The following EGF variants were observed in gnomAD, a reference collection of about 807,000 sequenced individuals.
EGF encodes pro-epidermal growth factor.
A neutral mutation model predicts 143.8 loss-of-function variants in EGF; 95 were observed. That is an observed-to-expected ratio of 0.66 (90% CI 0.56 to 0.78). The LOEUF is 0.78. Ranked by LOEUF, EGF falls within the 30% of genes least tolerant of loss-of-function variation. EGF has a pLI of 0.00. For missense variants in EGF, 1,320 were observed against 1,470.9 expected, an observed-to-expected ratio of 0.90 and a Z score of 1.68; for synonymous variants, 510 against 510.5, an observed-to-expected ratio of 1.00 and a Z score of 0.01.
chr4:110,004,422 A>C, intron 21 of EGF, 83 bp from the exon 22 acceptor site: 1 of 1,112,958 alleles, frequency 9.0e-7, no homozygotes, highest in Non-Finnish European at 1.4e-6. Flanking sequence ...TAGCAAAAGC[A>C]GTTAGTTGTC....
At chr4:110,010,026 G>A (rs1753803413) in intron 23 of EGF, among the ~76,000 whole-genome samples, 1 of 152,176 alleles carries the variant, frequency 6.6e-6, no homozygotes, top group African/African-American at 2.4e-5. Context: ...TTTGAGGTCA[G>A]GAGTTTGAGA....
At position 109,945,359 on chromosome 4, in the gene EGF, G is replaced by A. The variant is rs552035102; in HGVS notation, c.940+84G>A. 13 of 1,402,342 alleles carry A rather than the reference G, an allele frequency of 9.3e-6. No homozygotes were observed. In the South Asian group the frequency reaches 1.1e-4, roughly 12 times the overall value. The allele number at this position is 1,402,342 out of a possible 1,614,324, so 86.9% of individuals were successfully genotyped here. On this transcript the variant is annotated intron_variant, in intron 5 of 23. Coordinates refer to ENST00000265171, the MANE Select transcript of EGF (RefSeq NM_001963.6). ...TTGAGCCAGACAATGAGGCGTTGTA[G>A]GGGAAAAAAAATTTTTTTCTTCAAC...
intron 12 of EGF, 96 bp from the exon 13 acceptor site, chr4:109,975,916 A>G: frequency 7.6e-7 from 1 of 1,320,142 alleles, no homozygotes; most frequent in South Asian, 1.2e-5. Flanking sequence ...ACTTTAGTAT[A>G]TCATGAGGTA....
chr4:109,925,205 A>G (rs1319532449), intron 1 of EGF, among the ~76,000 whole-genome samples: 1 of 152,238 alleles, frequency 6.6e-6, no homozygotes, highest in East Asian at 1.9e-4. Context: ...CTAAAATAAT[A>G]CATGAAAAAC....
chr4:109,987,792 T>C lies in EGF; in HGVS notation c.2540T>C (p.Ile847Thr). 1 of 1,613,984 alleles carries C rather than the reference T, an allele frequency of 6.2e-7. No individual in the cohort carries two copies. The highest frequency in any genetic ancestry group is 1.3e-5 in the African/African-American group (1 of 75,026). ...GGATGCAGCATGTATGCTCGGTGTA[T>C]TTCAGAGGGAGAGGATGCCACATGT... ...PVGCSMYARC[I>T]SEGEDATCQC... The change falls in exon 17 of 24, where the codon ATT (isoleucine) becomes ACT (threonine). Residue 847 changes from isoleucine to threonine, a missense_variant. By Grantham distance (89) the Ile-to-Thr change is moderately conservative (BLOSUM62 -1). Coordinates refer to ENST00000265171, the MANE Select transcript of EGF (RefSeq NM_001963.6).
chr4:109,966,392 G>A (rs1462703451), intron 10 of EGF, among the ~76,000 whole-genome samples: 3 of 151,902 alleles, frequency 2.0e-5, no homozygotes, highest in African/African-American at 7.3e-5. Flanking sequence ...TCTTTTTTAT[G>A]AGCAGTATTC....
chr4:109,956,304 T>C (rs1319558653), intron 5 of EGF, among the ~76,000 whole-genome samples: 1 of 152,186 alleles, frequency 6.6e-6, no homozygotes, highest in African/African-American at 2.4e-5. Flanking sequence ...CCAGTAATCA[T>C]CCAGCATGCT....
At chr4:109,928,659 T>C (rs1739180085) in intron 1 of EGF, among the ~76,000 whole-genome samples, 1 of 152,192 alleles carries the variant, frequency 6.6e-6, no homozygotes, top group African/African-American at 2.4e-5. Context: ...CAAAGAAATA[T>C]ATTTTGGGAT....
At chr4:109,936,552 G>T (rs1740838777) in intron 1 of EGF, among the ~76,000 whole-genome samples, 1 of 151,996 alleles carries the variant, frequency 6.6e-6, no homozygotes, top group Non-Finnish European at 1.5e-5. Flanking sequence ...CTTCAGTTCT[G>T]CTCTGATCTT....
intron 18 of EGF, 137 bp from the exon 19 acceptor site, chr4:109,993,110 T>TA (rs11569076): frequency 4.6e-6 from 4 of 866,440 alleles, no homozygotes; most frequent in Non-Finnish European, 6.2e-6. Flanking sequence ...AAATATATAT[T>TA]AAAAAAATAT....
At chr4:109,935,106 G>A (rs1740523763) in intron 1 of EGF, among the ~76,000 whole-genome samples, 2 of 152,080 alleles carry the variant, frequency 1.3e-5, no homozygotes. Flanking sequence ...AAGAAAGTCA[G>A]GGGTAGCTTG....
chr4:109,949,721 T>C (rs1221121259), intron 5 of EGF, among the ~76,000 whole-genome samples: 1 of 151,910 alleles, frequency 6.6e-6, no homozygotes, highest in Non-Finnish European at 1.5e-5. Context: ...ACTACAGAGA[T>C]AATTGACTTA....
chr4:110,010,398 A>T (rs1323799685), intron 23 of EGF, among the ~76,000 whole-genome samples: 1 of 142,136 alleles, frequency 7.0e-6, no homozygotes, highest in Non-Finnish European at 1.5e-5. Context: ...CTCAACCAAG[A>T]CTATTGTAAT....
intron 20 of EGF, among the ~76,000 whole-genome samples, chr4:109,996,676 C>G (rs996352704): frequency 1.3e-5 from 2 of 152,114 alleles, no homozygotes; most frequent in Non-Finnish European, 2.9e-5. Flanking sequence ...AGAGCCAGCT[C>G]TTTCTTCCTT....
intron 1 of EGF, among the ~76,000 whole-genome samples, chr4:109,940,557 A>C (rs568261025): frequency 6.6e-6 from 1 of 152,232 alleles, no homozygotes; most frequent in East Asian, 1.9e-4. Context: ...CAAAATGATA[A>C]TATCTGTAAT....
chr4:109,960,785 C>T lies in EGF; in HGVS notation c.1067-82C>T, dbSNP rs11568934. The T allele has an allele frequency of 0.016, 23,533 of 1,516,760 alleles. 293 individuals are homozygous for T. Among genetic ancestry groups the T allele is most frequent in the Non-Finnish European group, 0.016 (17,580 of 1,095,992 alleles). The allele number at this position is 1,516,760 out of a possible 1,614,324, so 94.0% of individuals were successfully genotyped here. ...GCATATACAAGTGTGAGATACCCTG[C>T]GTTGTGATGACTTATTAGTGATAGC... is the stretch of plus-strand genomic sequence containing the variant. On this transcript the variant is annotated intron_variant, in intron 6 of 23. Transcript: ENST00000265171.
chr4:109,923,420 AAG>A (rs1272231461), intron 1 of EGF, among the ~76,000 whole-genome samples: 1 of 151,632 alleles, frequency 6.6e-6, no homozygotes, highest in African/African-American at 2.4e-5. Context: ...CTGGTTAAAA[AAG>A]AGAGAAGATA....
At chr4:109,958,111 G>A (rs1042104258) in intron 5 of EGF, among the ~76,000 whole-genome samples, 1 of 152,124 alleles carries the variant, frequency 6.6e-6, no homozygotes, top group African/African-American at 2.4e-5. Flanking sequence ...ATATAAAACG[G>A]TGTATTTGTA....
Position 109,994,758 on chromosome 4 carries a change from G to A in EGF, c.2883G>A (p.Arg961=). The A allele has an allele frequency of 1.2e-6, 2 of 1,614,086 alleles. No individual in the cohort carries two copies. The highest frequency in any genetic ancestry group is 1.7e-6 in the Non-Finnish European group (2 of 1,179,996). The change falls in exon 20 of 24, where the codon AGG becomes AGA. Residue 961 remains arginine (R), a synonymous_variant. Coordinates refer to ENST00000265171, the MANE Select transcript of EGF (RefSeq NM_001963.6). Reference sequence around the variant, plus strand: ...ACTCTACTCCACCCCCTCACCTCAGGGAAGATGACCACCACTATTCCGTAA... The same window carrying A: ...ACTCTACTCCACCCCCTCACCTCAGAGAAGATGACCACCACTATTCCGTAA... ...CPDSTPPPHL[R]EDDHHYSVRN...
Sources: gnomAD v4.1 joint callset for allele counts (sites outside exome capture counted in the v4.1 genomes callset) on GRCh38, gnomAD v4.1.1 for gene constraint, MANE v1.5 for transcripts, NCBI Gene and HGNC (gene_info 2026-07-23, HGNC 2026-07-21) for gene names.